Variants in VPS13B observed in about 807,000 individuals in gnomAD.
VPS13B encodes intermembrane lipid transfer protein VPS13B.
A neutral mutation model predicts 426.4 loss-of-function variants in VPS13B; 285 were observed. The observed-to-expected ratio is 0.67, with a 90% confidence interval of 0.61 to 0.74. The LOEUF is 0.74. Among genes scored for constraint, VPS13B ranks in the 30% least tolerant of loss-of-function variants. VPS13B has a pLI of 0.00. For missense variants in VPS13B, 4,537 were observed against 4,782.6 expected (o/e 0.95, Z 1.51); for synonymous variants, 1,676 against 1,676.4 (o/e 1.00, Z 0.01).
At chr8:99,035,544 G>A (rs1842704240) in intron 2 of VPS13B, among the ~76,000 whole-genome samples, 1 of 152,120 alleles carries the variant, frequency 6.6e-6, no homozygotes, top group Non-Finnish European at 1.5e-5. Context: ...TTGTATGTGT[G>A]TATTACATTT....
At chr8:99,511,819 G>A (rs1014624175) in intron 29 of VPS13B, among the ~76,000 whole-genome samples, 5 of 152,094 alleles carry the variant, frequency 3.3e-5, no homozygotes, top group Non-Finnish European at 7.4e-5. Flanking sequence ...GTTGTGTTCT[G>A]TGTATCTAAG....
intron 33 of VPS13B, among the ~76,000 whole-genome samples, chr8:99,584,875 T>TA (rs1247611927): frequency 2.6e-5 from 4 of 152,210 alleles, no homozygotes; most frequent in African/African-American, 9.6e-5. Context: ...CTTTCATGTC[T>TA]AATGCACATA....
At chr8:99,228,201 T>C (rs1038224744) in intron 17 of VPS13B, among the ~76,000 whole-genome samples, 1 of 152,240 alleles carries the variant, frequency 6.6e-6, no homozygotes, top group African/African-American at 2.4e-5. Context: ...TAAAATTTTG[T>C]AATTTGTGAA....
chr8:99,786,151 C>G (rs996521851), intron 43 of VPS13B, among the ~76,000 whole-genome samples: 3 of 152,178 alleles, frequency 2.0e-5, no homozygotes, highest in African/African-American at 7.2e-5. Context: ...TATAGACATA[C>G]AGTTTCTGGG....
At chr8:99,616,654 C>T (rs945957627) in intron 33 of VPS13B, among the ~76,000 whole-genome samples, 7 of 152,132 alleles carry the variant, frequency 4.6e-5, no homozygotes, top group Non-Finnish European at 7.4e-5. Flanking sequence ...GGTGAAACCC[C>T]GTCTCTACTA....
At chr8:99,124,626 C>T (rs895122901) in intron 8 of VPS13B, among the ~76,000 whole-genome samples, 11 of 152,004 alleles carry the variant, frequency 7.2e-5, no homozygotes, top group South Asian at 4.1e-4. Context: ...GTGGCTCATG[C>T]GTATAATCCC....
In VPS13B at chr8:99,143,177, G is replaced by T. The variant is rs1267422148; in HGVS notation, c.1843+12G>T. 2 of 1,613,748 alleles carry T rather than the reference G, an allele frequency of 1.2e-6. No homozygotes were observed. Among genetic ancestry groups the T allele is most frequent in the Admixed American group, 3.3e-5 (2 of 60,012 alleles). ...CAGGCTAAAATCAGGTTTGTTTCTG[G>T]ATTAATTTTGAATCTTTTGCCATTT... On this transcript the variant is annotated intron_variant, in intron 13 of 61. Coordinates refer to ENST00000357162, the MANE Select transcript of VPS13B (RefSeq NM_152564.5).
At chr8:99,210,430 A>G (rs1426512877) in intron 17 of VPS13B, among the ~76,000 whole-genome samples, 1 of 151,932 alleles carries the variant, frequency 6.6e-6, no homozygotes, top group East Asian at 1.9e-4. Flanking sequence ...TATTATGGCC[A>G]TTGGATTCCA....
intron 43 of VPS13B, among the ~76,000 whole-genome samples, chr8:99,801,955 G>A (rs1185822240): frequency 1.3e-5 from 2 of 152,102 alleles, no homozygotes; most frequent in South Asian, 2.1e-4. Flanking sequence ...TTCAAGAGCA[G>A]CCTGGGCAAC....
At chr8:99,130,243 C>A (rs1809705025) in intron 8 of VPS13B, among the ~76,000 whole-genome samples, 1 of 152,120 alleles carries the variant, frequency 6.6e-6, no homozygotes, top group Non-Finnish European at 1.5e-5. Flanking sequence ...GAATTAATTT[C>A]TGGTTCATAT....
intron 18 of VPS13B, 115 bp downstream of exon 18, chr8:99,274,447 G>A (rs186392077): frequency 7.2e-6 from 11 of 1,517,352 alleles, no homozygotes; most frequent in East Asian, 2.3e-5. Context: ...TGAATCAGAC[G>A]TTTTAAATTT....
At position 99,876,071 on chromosome 8, in the gene VPS13B, T is replaced by G. The variant is rs1817686292; in HGVS notation, c.*405T>G. The G allele has an allele frequency of 4.5e-6, 1 of 219,920 alleles. No homozygotes were observed. The highest frequency in any genetic ancestry group is 8.8e-6 in the Non-Finnish European group (1 of 113,168). The allele number at this position is 219,920 out of a possible 1,614,324, so 13.6% of individuals were successfully genotyped here. On this transcript the variant is annotated 3_prime_UTR_variant, in exon 62 of 62. Transcript: ENST00000357162. ...TTTTGCTCTATGACACTTGCAAAAA[T>G]CTCTACTGTAATTAATTTGGGTCTA...
intron 2 of VPS13B, among the ~76,000 whole-genome samples, chr8:99,029,070 C>G (rs566392204): frequency 2.0e-5 from 3 of 149,790 alleles, no homozygotes; most frequent in Non-Finnish European, 4.4e-5. Flanking sequence ...ACGGGGCGGC[C>G]GGGCAGAGAC....
At chr8:99,277,718 T>C (rs1249048613) in intron 19 of VPS13B, among the ~76,000 whole-genome samples, 1 of 152,220 alleles carries the variant, frequency 6.6e-6, no homozygotes, top group Non-Finnish European at 1.5e-5. Flanking sequence ...CTTATCAGAA[T>C]CTACCATACT....
chr8:99,558,162 GTTTA>G (rs1485598091), intron 31 of VPS13B, among the ~76,000 whole-genome samples: 2 of 152,014 alleles, frequency 1.3e-5, no homozygotes, highest in African/African-American at 4.8e-5. Flanking sequence ...ACTTTACCCA[GTTTA>G]TTTAACTTAA....
intron 17 of VPS13B, among the ~76,000 whole-genome samples, chr8:99,198,518 A>G (rs1198336447): frequency 6.6e-6 from 1 of 152,094 alleles, no homozygotes; most frequent in African/African-American, 2.4e-5. Flanking sequence ...ATGAAAAAGC[A>G]TTTTATTTGA....
chr8:99,165,356 C>T (rs1300310469), intron 15 of VPS13B, among the ~76,000 whole-genome samples: 1 of 152,156 alleles, frequency 6.6e-6, no homozygotes, highest in Non-Finnish European at 1.5e-5. Flanking sequence ...ATGACACTTG[C>T]TTATGGCTTA....
intron 19 of VPS13B, among the ~76,000 whole-genome samples, chr8:99,355,946 C>T (rs1018281000): frequency 6.6e-6 from 1 of 152,054 alleles, no homozygotes; most frequent in Non-Finnish European, 1.5e-5. Flanking sequence ...AGAGTTGGTG[C>T]CTAAGAAATA....
chr8:99,170,476 G>A (rs747498802), intron 16 of VPS13B, among the ~76,000 whole-genome samples: 11 of 151,618 alleles, frequency 7.3e-5, no homozygotes, highest in Non-Finnish European at 1.3e-4. Context: ...TCAAGAGTGG[G>A]TATAAAGATT....
Sources: gnomAD v4.1 joint callset for allele counts (sites outside exome capture counted in the v4.1 genomes callset) on GRCh38, gnomAD v4.1.1 for gene constraint, MANE v1.5 for transcripts, NCBI Gene and HGNC (gene_info 2026-07-23, HGNC 2026-07-21) for gene names.